The following PELI1 variants were observed in gnomAD, a reference collection of about 807,000 sequenced individuals.
PELI1 encodes the protein E3 ubiquitin-protein ligase pellino homolog 1.
In PELI1, 15 loss-of-function variants were observed where a neutral mutation model predicts 41.3. The ratio of observed to expected loss-of-function variants is 0.36; its 90% CI spans 0.24 to 0.56. The LOEUF is 0.56. Among genes scored for constraint, PELI1 ranks in the 20% least tolerant of loss-of-function variants. The pLI, the probability that PELI1 is intolerant of heterozygous loss-of-function variation, is 0.82. For missense variants in PELI1, 403 were observed against 525.5 expected (o/e 0.77, Z 2.28); for synonymous variants, 178 against 180.1 (o/e 0.99, Z 0.09).
chr2:64,104,014 C>G (rs1680533667), intron 3 of PELI1, among the ~76,000 whole-genome samples: 2 of 152,022 alleles, frequency 1.3e-5, no homozygotes. Flanking sequence ...TAGGAAAAGC[C>G]CAAGTATCCT....
At chr2:64,097,645 A>G (rs1255994187) in intron 4 of PELI1, among the ~76,000 whole-genome samples, 2 of 152,236 alleles carry the variant, frequency 1.3e-5, no homozygotes, top group African/African-American at 4.8e-5. Context: ...CAGTTCATGA[A>G]TGTATTTGTT....
intron 2 of PELI1, among the ~76,000 whole-genome samples, chr2:64,107,494 T>G: frequency 6.6e-6 from 1 of 152,032 alleles, no homozygotes; most frequent in Non-Finnish European, 1.5e-5. Flanking sequence ...TTAACCCAAA[T>G]GTACAGCACA....
chr2:64,126,169 C>T (rs1681376611), intron 1 of PELI1, among the ~76,000 whole-genome samples: 1 of 151,694 alleles, frequency 6.6e-6, no homozygotes, highest in Non-Finnish European at 1.5e-5. Flanking sequence ...GCTGTGGTCT[C>T]CCTATTTTTT....
chr2:64,126,460 C>G (rs1038697852), intron 1 of PELI1, among the ~76,000 whole-genome samples: 1 of 152,168 alleles, frequency 6.6e-6, no homozygotes, highest in Non-Finnish European at 1.5e-5. Context: ...CTGTGCCCAG[C>G]GGGTCTCCCT....
chr2:64,126,797 T>C (rs1476620977), intron 1 of PELI1, among the ~76,000 whole-genome samples: 1 of 151,478 alleles, frequency 6.6e-6, no homozygotes, highest in Non-Finnish European at 1.5e-5. Flanking sequence ...GACCGGACTT[T>C]GATAAGTGAA....
intron 1 of PELI1, among the ~76,000 whole-genome samples, chr2:64,118,438 G>T (rs1681090707): frequency 6.6e-6 from 1 of 152,130 alleles, no homozygotes; most frequent in Non-Finnish European, 1.5e-5. Context: ...AGCAGCGCAT[G>T]TCTGTATTCT....
chr2:64,113,904 T>C (rs1680904807), intron 1 of PELI1, among the ~76,000 whole-genome samples: 2 of 152,138 alleles, frequency 1.3e-5, no homozygotes, highest in Non-Finnish European at 2.9e-5. Flanking sequence ...AAATGTTTTC[T>C]TTCATTATTT....
chr2:64,106,921 A>T (rs1279759044), intron 2 of PELI1, among the ~76,000 whole-genome samples: 1 of 152,026 alleles, frequency 6.6e-6, no homozygotes, highest in Non-Finnish European at 1.5e-5. Context: ...TAAAATTAGC[A>T]ATTTTCTTTT....
intron 3 of PELI1, among the ~76,000 whole-genome samples, chr2:64,101,827 T>TTC (rs1465898899): frequency 7.1e-6 from 1 of 141,338 alleles, no homozygotes; most frequent in African/African-American, 2.6e-5. Context: ...GCTTCTGATT[T>TTC]TTTTTTTTTT....
chr2:64,110,779 T>G (rs1038017554), intron 1 of PELI1, among the ~76,000 whole-genome samples: 2 of 152,040 alleles, frequency 1.3e-5, no homozygotes, highest in East Asian at 3.9e-4. Flanking sequence ...ATACAAAAAT[T>G]AGCAGGGCGT....
At chr2:64,142,038 T>C (rs913653056) in intron 1 of PELI1, among the ~76,000 whole-genome samples, 4 of 152,228 alleles carry the variant, frequency 2.6e-5, no homozygotes, top group Non-Finnish European at 5.9e-5. Flanking sequence ...CAAATTCCAC[T>C]GAGGCAAATT....
At chr2:64,112,178 G>A (rs1680826938) in intron 1 of PELI1, among the ~76,000 whole-genome samples, 2 of 152,104 alleles carry the variant, frequency 1.3e-5, no homozygotes, top group Admixed American at 6.5e-5. Context: ...GCAAACATCT[G>A]AAAGTGTAAA....
At chr2:64,102,855 T>A (rs1264702710) in intron 3 of PELI1, among the ~76,000 whole-genome samples, 3 of 137,124 alleles carry the variant, frequency 2.2e-5, no homozygotes, top group Non-Finnish European at 3.1e-5. Context: ...TTTTTTTTTT[T>A]AAACTGAGAC....
chr2:64,141,312 C>CCCCCCG (rs1444982980), intron 1 of PELI1, among the ~76,000 whole-genome samples: 1 of 145,814 alleles, frequency 6.9e-6, no homozygotes, highest in African/African-American at 2.6e-5. Flanking sequence ...CCGCCCCCAC[C>CCCCCCG]CCAAAGGAGC....
In PELI1 at chr2:64,100,462, G is replaced by A; in HGVS notation, c.239C>T (p.Thr80Ile). ...SNKDQHSISY[T>I]LSRAQTVVVE... ...CACCACAGTCTGGGCCCGAGATAAA[G>A]TATATGATATGCTATGCTGGTCTTT... The change falls in exon 4 of 7, where the codon ACT (threonine) becomes ATT (isoleucine). Residue 80 changes from threonine to isoleucine, a missense_variant. Thr to Ile is a moderately conservative substitution (Grantham distance 89, BLOSUM62 -1). Transcript: ENST00000358912. The A allele has an allele frequency of 6.3e-7, 1 of 1,587,342 alleles. No homozygotes were observed. Among genetic ancestry groups the A allele is most frequent in the Non-Finnish European group, 8.7e-7 (1 of 1,155,888 alleles).
chr2:64,111,663 TGCTAA>T (rs1252749993), intron 1 of PELI1, among the ~76,000 whole-genome samples: 1 of 152,232 alleles, frequency 6.6e-6, no homozygotes, highest in Admixed American at 6.5e-5. Flanking sequence ...AATAAACTTA[TGCTAA>T]GCTAACTAAA....
chr2:64,116,741 T>C (rs187792931), intron 1 of PELI1, among the ~76,000 whole-genome samples: 58 of 152,372 alleles, frequency 3.8e-4, no homozygotes, highest in African/African-American at 1.3e-3. Context: ...TCTGGTTTTA[T>C]TGCACTTTGC....
At position 64,094,914 on chromosome 2, in the gene PELI1, A is replaced by G; in HGVS notation, c.1045T>C (p.Cys349Arg). 6.2e-7 allele frequency: 1 copy of G among 1,614,214 alleles called. No homozygotes were observed. Among genetic ancestry groups the G allele is most frequent in the Non-Finnish European group, 8.5e-7 (1 of 1,180,050 alleles). The change falls in exon 7 of 7, where the codon TGT becomes CGT. Residue 349 changes from cysteine (C) to arginine (R), a missense_variant. Coordinates refer to ENST00000358912, the MANE Select transcript of PELI1 (RefSeq NM_020651.4). Reference sequence around the variant, plus strand: ...GCGTCCACATAAAATCCAGCTTCACATCCAAGCCACAGAGGAACATAGGGA... The same window carrying G: ...GCGTCCACATAAAATCCAGCTTCACGTCCAAGCCACAGAGGAACATAGGGA... ...VGPYVPLWLG[C>R]EAGFYVDAGP...
intron 1 of PELI1, among the ~76,000 whole-genome samples, chr2:64,142,622 TTGTACACTAAGAACAA>T (rs1347279807): frequency 6.6e-6 from 1 of 152,188 alleles, no homozygotes; most frequent in African/African-American, 2.4e-5. Context: ...TATGCTGTAT[TTGTACACTAAGAACAA>T]TGTTTTGAGA....
Sources: gnomAD v4.1 joint callset for allele counts (sites outside exome capture counted in the v4.1 genomes callset) on GRCh38, gnomAD v4.1.1 for gene constraint, MANE v1.5 for transcripts, NCBI Gene and HGNC (gene_info 2026-07-23, HGNC 2026-07-21) for gene names.